Variants in RARB observed in about 807,000 individuals in gnomAD.
RARB encodes the protein HBV-activated protein.
RARB carries 17 observed loss-of-function variants against 51.9 expected under a neutral mutation model. That is an observed-to-expected ratio of 0.33 (90% CI 0.22 to 0.49). The LOEUF is 0.49. RARB is among the 20% of genes least tolerant of loss of function. The pLI is 0.99. For missense variants in RARB, 369 were observed against 550.8 expected, an observed-to-expected ratio of 0.67 and a Z score of 3.30; for synonymous variants, 215 against 195.4, an observed-to-expected ratio of 1.10 and a Z score of -0.84.
At chr3:24,904,844 G>A (rs1694819608) in intron 2 of RARB, among the ~76,000 whole-genome samples, 1 of 152,186 alleles carries the variant, frequency 6.6e-6, no homozygotes. Context: ...AAAAAATGAT[G>A]AGTTCATGTC....
At chr3:25,320,815 C>T (rs1704550190) in intron 5 of RARB, among the ~76,000 whole-genome samples, 1 of 152,122 alleles carries the variant, frequency 6.6e-6, no homozygotes, top group African/African-American at 2.4e-5. Flanking sequence ...GTGAACTCAT[C>T]GGCTCCTGCT....
At chr3:24,830,778 A>C (rs1419630984) in intron 1 of RARB, among the ~76,000 whole-genome samples, 1 of 151,956 alleles carries the variant, frequency 6.6e-6, no homozygotes, top group African/African-American at 2.4e-5. Flanking sequence ...GGAGAAAGAC[A>C]GGTGAGGCGG....
chr3:25,290,932 G>A (rs322673), intron 5 of RARB, among the ~76,000 whole-genome samples: 45,921 of 151,906 alleles, frequency 0.3, 7,804 homozygotes, highest in African/African-American at 0.45. Context: ...GCCAGTGTTC[G>A]AGCCCTCTCC....
chr3:25,098,124 C>T (rs1248299301), intron 3 of RARB, among the ~76,000 whole-genome samples: 3 of 152,004 alleles, frequency 2.0e-5, no homozygotes, highest in Non-Finnish European at 1.5e-5. Flanking sequence ...GAGCACTGTA[C>T]AAGGGGACTG....
rs556996145 is a variant in RARB, at chr3:25,394,968, A to T, written c.179-66225A>T. On this transcript the variant is annotated intron_variant, in intron 5 of 11. Coordinates refer to the RARB transcript ENST00000383772. ...TAGTTGTTGCCTGAATACTTTCATT[A>T]TTTTTTTCCTTGTGTTATTGTTTTA... Among the ~76,000 whole-genome samples the T allele has an allele frequency of 4.0e-5, 6 of 151,770 alleles. No individual in the cohort carries two copies. The South Asian group carries it at 1.2e-3, about 32-fold the overall frequency.
intron 2 of RARB, among the ~76,000 whole-genome samples, chr3:25,050,428 T>C (rs1357744337): frequency 1.3e-5 from 2 of 151,636 alleles, no homozygotes; most frequent in Non-Finnish European, 2.9e-5. Context: ...AAAAGGCTCA[T>C]GATTTAAAAA....
chr3:25,399,116 C>T (rs906780664), intron 5 of RARB, among the ~76,000 whole-genome samples: 8 of 152,168 alleles, frequency 5.3e-5, no homozygotes, highest in African/African-American at 9.7e-5. Flanking sequence ...GATACATAGA[C>T]CTGATCCAGG....
intron 5 of RARB, among the ~76,000 whole-genome samples, chr3:25,231,944 A>G (rs1702187701): frequency 6.6e-6 from 1 of 151,868 alleles, no homozygotes; most frequent in African/African-American, 2.4e-5. Context: ...TTCTTTCGGT[A>G]TCGTGTCTAA....
rs151124393 is a variant in RARB at position 25,575,836 on chromosome 3, C to T, written c.610-4710C>T. On this transcript the variant is annotated intron_variant, in intron 4 of 7. Coordinates refer to ENST00000330688, the MANE Select transcript of RARB (RefSeq NM_000965.5). ...TTTCAACACATCTTTTTGAGGAACA[C>T]AGTTTAACCCGTAACAAACAGTAAC... is the stretch of plus-strand genomic sequence containing the variant. Among the ~76,000 whole-genome samples, 14 of 152,286 alleles carry T rather than the reference C, an allele frequency of 9.2e-5. No individual in the cohort carries two copies. The East Asian group carries it at 2.5e-3, about 27-fold the overall frequency.
At chr3:25,588,703 C>T (rs1030924802) in intron 5 of RARB, among the ~76,000 whole-genome samples, 1 of 152,174 alleles carries the variant, frequency 6.6e-6, no homozygotes, top group Non-Finnish European at 1.5e-5. Flanking sequence ...AGGCTGGAAG[C>T]TCTCCGCCTC....
At chr3:25,106,298 G>A (rs184182374) in intron 3 of RARB, among the ~76,000 whole-genome samples, 2 of 41,238 alleles carry the variant, frequency 4.8e-5, no homozygotes, top group African/African-American at 2.0e-4. Flanking sequence ...TTTTTTTTGA[G>A]ACAGAGTCTC....
chr3:24,965,863 T>C (rs1411942069), intron 2 of RARB, among the ~76,000 whole-genome samples: 2 of 152,112 alleles, frequency 1.3e-5, no homozygotes, highest in Non-Finnish European at 2.9e-5. Context: ...ATCATACTCT[T>C]CTGGTAAGGA....
chr3:25,186,660 A>G (rs1700983571), intron 5 of RARB, among the ~76,000 whole-genome samples: 1 of 152,142 alleles, frequency 6.6e-6, no homozygotes, highest in Non-Finnish European at 1.5e-5. Flanking sequence ...GAAATGAATG[A>G]AATGATAATG....
chr3:25,372,986 A>G (rs1334668209), intron 5 of RARB, among the ~76,000 whole-genome samples: 1 of 152,114 alleles, frequency 6.6e-6, no homozygotes, highest in Non-Finnish European at 1.5e-5. Context: ...GATGTGAGCA[A>G]TTTGGTGATT....
At chr3:24,978,408 A>G (rs372959003) in intron 2 of RARB, among the ~76,000 whole-genome samples, 10 of 152,100 alleles carry the variant, frequency 6.6e-5, no homozygotes, top group Admixed American at 6.5e-4. Context: ...TTGGTAGGCT[A>G]TTAATTATTG....
chr3:25,417,840 A>G (rs1707748886), intron 5 of RARB, among the ~76,000 whole-genome samples: 1 of 152,244 alleles, frequency 6.6e-6, no homozygotes, highest in Non-Finnish European at 1.5e-5. Flanking sequence ...GACGGCATAA[A>G]TAAGATAGAA....
intron 2 of RARB, among the ~76,000 whole-genome samples, chr3:24,899,422 G>C (rs1372511704): frequency 6.6e-6 from 1 of 152,170 alleles, no homozygotes; most frequent in Non-Finnish European, 1.5e-5. Flanking sequence ...AAATGTACCA[G>C]GCTGTTTGTG....
At chr3:25,464,964 G>C (rs1695357352) in intron 2 of RARB, among the ~76,000 whole-genome samples, 1 of 152,024 alleles carries the variant, frequency 6.6e-6, no homozygotes, top group African/African-American at 2.4e-5. Flanking sequence ...TTATTTAACT[G>C]ATTAAGGTGC....
rs1480446293 is a variant in RARB, at chr3:25,597,058, C to T, written c.*442C>T. On this transcript the variant is annotated 3_prime_UTR_variant, in exon 8 of 8. Coordinates refer to ENST00000330688, the MANE Select transcript of RARB (RefSeq NM_000965.5). Reference sequence around the variant, plus strand: ...CAAGGTTATGAAATAGACTACTGTACACGTCTACCTAGGTTCAAAAAGATA... The same window carrying T: ...CAAGGTTATGAAATAGACTACTGTATACGTCTACCTAGGTTCAAAAAGATA... 1.3e-5 allele frequency: 2 copies of T among 155,872 alleles called. No homozygotes were observed. The highest frequency in any genetic ancestry group is 4.8e-5 in the African/African-American group (2 of 41,482). 9.7% of individuals were successfully genotyped at this position (155,872 alleles called of 1,614,324 possible).
Sources: allele counts gnomAD v4.1 joint callset (sites outside exome capture counted in the v4.1 genomes callset), GRCh38; gene constraint gnomAD v4.1.1; transcripts MANE v1.5; gene names NCBI Gene and HGNC (gene_info 2026-07-23, HGNC 2026-07-21).